The following AUTS2 variants were observed in gnomAD, a reference collection of about 807,000 sequenced individuals.
AUTS2 encodes activator of transcription and developmental regulator AUTS2.
In AUTS2, 17 loss-of-function variants were observed where a neutral mutation model predicts 112.4. The ratio of observed to expected loss-of-function variants is 0.15; its 90% CI spans 0.10 to 0.23. AUTS2 has a LOEUF of 0.23. AUTS2 is among the 10% of genes least tolerant of loss of function. The probability of loss-of-function intolerance (pLI) is 1.00; values close to 1 mark genes in which losing one functional copy is unlikely to be tolerated. For synonymous variants in AUTS2, 751 were observed against 702.7 expected (o/e 1.07, Z -1.09); for missense variants, 1,510 against 1,701.6 (o/e 0.89, Z 1.98).
intron 2 of AUTS2, among the ~76,000 whole-genome samples, chr7:70,069,923 GT>G (rs1802676606): frequency 6.6e-6 from 1 of 151,894 alleles, no homozygotes. Flanking sequence ...ATTATAGGGA[GT>G]AAAAAATGCA....
At chr7:70,573,304 T>G (rs956147463) in intron 5 of AUTS2, among the ~76,000 whole-genome samples, 1 of 152,182 alleles carries the variant, frequency 6.6e-6, no homozygotes, top group African/African-American at 2.4e-5. Context: ...GGAACGTCAA[T>G]GCTGCCAAAG....
intron 6 of AUTS2, among the ~76,000 whole-genome samples, chr7:70,711,379 C>T (rs1810041542): frequency 6.6e-6 from 1 of 152,212 alleles, no homozygotes; most frequent in South Asian, 2.1e-4. Flanking sequence ...TGGGGCTGCA[C>T]ATCATCCTAG....
chr7:70,729,329 T>A (rs1485834081), intron 6 of AUTS2: 1 of 369,086 alleles, frequency 2.7e-6, no homozygotes, highest in African/African-American at 2.1e-5. Context: ...CCCCAAAGAC[T>A]GGTAATAGCC....
At chr7:70,098,387 ATCT>A (rs1481272392) in intron 2 of AUTS2, among the ~76,000 whole-genome samples, 2 of 152,202 alleles carry the variant, frequency 1.3e-5, no homozygotes, top group Non-Finnish European at 2.9e-5. Context: ...GGTAAATGAG[ATCT>A]TCTCTCATTG....
intron 5 of AUTS2, among the ~76,000 whole-genome samples, chr7:70,482,559 G>A (rs1392981108): frequency 6.6e-6 from 1 of 152,198 alleles, no homozygotes; most frequent in East Asian, 1.9e-4. Flanking sequence ...ATTCCACAAG[G>A]ATTATCCTGT....
chr7:70,784,398 AG>A (rs1292212346), intron 15 of AUTS2: 1 of 152,368 alleles, frequency 6.6e-6, no homozygotes, highest in Non-Finnish European at 1.5e-5. Flanking sequence ...GGTTTCTGGA[AG>A]TGTTTCTCAA....
intron 2 of AUTS2, among the ~76,000 whole-genome samples, chr7:69,956,803 G>T (rs1797229297): frequency 6.6e-6 from 1 of 152,100 alleles, no homozygotes; most frequent in South Asian, 2.1e-4. Flanking sequence ...AGTTTGTATG[G>T]CTCATAAAGC....
chr7:69,949,468 C>G (rs1796945261), intron 2 of AUTS2, among the ~76,000 whole-genome samples: 1 of 152,182 alleles, frequency 6.6e-6, no homozygotes. Flanking sequence ...CACCACTTGC[C>G]TGTGGTCATA....
intron 4 of AUTS2, among the ~76,000 whole-genome samples, chr7:70,263,968 G>T (rs1263629163): frequency 6.6e-6 from 1 of 152,176 alleles, no homozygotes; most frequent in Non-Finnish European, 1.5e-5. Context: ...TTACCGGGGG[G>T]TCATGTAATT....
At chr7:70,739,168 A>G (rs948624407) in intron 6 of AUTS2, among the ~76,000 whole-genome samples, 18 of 151,404 alleles carry the variant, frequency 1.2e-4, no homozygotes, top group African/African-American at 4.4e-4. Flanking sequence ...GTGGGACCAT[A>G]GGTGTGCACC....
intron 4 of AUTS2, among the ~76,000 whole-genome samples, chr7:70,267,270 A>G (rs1390419517): frequency 6.7e-6 from 1 of 148,624 alleles, no homozygotes; most frequent in African/African-American, 2.5e-5. Flanking sequence ...GATAAACTCT[A>G]AATGTTTCTT....
chr7:70,733,767 AG>A (rs1031860764), intron 6 of AUTS2, among the ~76,000 whole-genome samples: 3 of 151,820 alleles, frequency 2.0e-5, no homozygotes, highest in Non-Finnish European at 4.4e-5. Context: ...TTGCATTTTT[AG>A]TAGAGACAGG....
intron 11 of AUTS2, among the ~76,000 whole-genome samples, chr7:70,771,985 G>T (rs543638091): frequency 1.3e-5 from 2 of 152,130 alleles, no homozygotes; most frequent in South Asian, 2.1e-4. Context: ...ACACATGTGC[G>T]CCAGGTTGTT....
At chr7:69,712,908 A>G (rs1798394731) in intron 1 of AUTS2, among the ~76,000 whole-genome samples, 1 of 152,194 alleles carries the variant, frequency 6.6e-6, no homozygotes, top group Non-Finnish European at 1.5e-5. Flanking sequence ...GTAAGATTTT[A>G]GCCATTCTAA....
chr7:70,491,577 A>C (rs978487365), intron 5 of AUTS2, among the ~76,000 whole-genome samples: 1 of 139,750 alleles, frequency 7.2e-6, no homozygotes, highest in African/African-American at 2.7e-5. Context: ...GTGTATATAT[A>C]ATGTATATAT....
intron 1 of AUTS2, among the ~76,000 whole-genome samples, chr7:69,860,254 T>C (rs1362339410): frequency 1.3e-5 from 2 of 151,942 alleles, no homozygotes; most frequent in Non-Finnish European, 2.9e-5. Context: ...GGCTGGAGCC[T>C]GGGGCTCTGA....
intron 4 of AUTS2, among the ~76,000 whole-genome samples, chr7:70,341,058 A>C (rs1007308942): frequency 6.6e-6 from 1 of 152,158 alleles, no homozygotes; most frequent in Non-Finnish European, 1.5e-5. Flanking sequence ...TCCAATGTTT[A>C]TGTATACTGT....
intron 4 of AUTS2, among the ~76,000 whole-genome samples, chr7:70,157,125 T>C (rs1416598751): frequency 6.6e-6 from 1 of 151,914 alleles, no homozygotes; most frequent in Non-Finnish European, 1.5e-5. Flanking sequence ...TTAGTCTGAC[T>C]GCATTTTTCT....
At chr7:70,695,380 C>T (rs911313508) in intron 5 of AUTS2, among the ~76,000 whole-genome samples, 1 of 152,210 alleles carries the variant, frequency 6.6e-6, no homozygotes, top group Non-Finnish European at 1.5e-5. Flanking sequence ...GAGCTGGGGG[C>T]CCTAGCGTGG....
Sources: gnomAD v4.1 joint callset for allele counts (sites outside exome capture counted in the v4.1 genomes callset) on GRCh38, gnomAD v4.1.1 for gene constraint, MANE v1.5 for transcripts, NCBI Gene and HGNC (gene_info 2026-07-23, HGNC 2026-07-21) for gene names.